Variants in PARD6B observed in about 807,000 individuals in gnomAD.
PARD6B encodes partitioning defective 6 homolog beta.
A neutral mutation model predicts 10.5 loss-of-function variants in PARD6B; 4 were observed. That is an observed-to-expected ratio of 0.38 (90% CI 0.19 to 0.87). The LOEUF (loss-of-function observed/expected upper bound fraction) is 0.87. PARD6B is among the 40% of genes least tolerant of loss of function. The pLI is 0.41. For missense variants in PARD6B, 396 were observed against 470.6 expected, an observed-to-expected ratio of 0.84 and a Z score of 1.47; for synonymous variants, 169 against 170.4, an observed-to-expected ratio of 0.99 and a Z score of 0.07.
Position 50,752,647 on chromosome 20 carries a change from G to A in PARD6B, c.*2159G>A, listed in dbSNP as rs2087620298. On this transcript the variant is annotated 3_prime_UTR_variant, in exon 3 of 3. Transcript: ENST00000371610. ...TATTTATTAATTAACTTTATGGTAG[G>A]GCTAGTATGAATACCTTTTTAACAA... 1.0e-6 allele frequency: 1 copy of A among 979,128 alleles called. No homozygotes were observed. The highest frequency in any genetic ancestry group is 1.2e-6 in the Non-Finnish European group (1 of 824,024). 60.7% of individuals were successfully genotyped at this position (979,128 alleles called of 1,614,324 possible).
chr20:50,750,147 C>A lies in PARD6B; in HGVS notation c.778C>A (p.Arg260=), dbSNP rs139812474. The A allele has an allele frequency of 1.2e-6, 2 of 1,614,202 alleles. No homozygotes were observed. The highest frequency in any genetic ancestry group is 1.3e-5 in the African/African-American group (1 of 75,048). The change falls in exon 3 of 3, where the codon CGG becomes AGG. Residue 260 remains arginine, a synonymous_variant. Coordinates refer to ENST00000371610, the MANE Select transcript of PARD6B (RefSeq NM_032521.3). ...NQRNNVVRNS[R]TSGSSGQSTD... is the part of the protein sequence containing the mutation. ...GAGGAATAATGTTGTGAGGAACAGT[C>A]GGACTTCTGGCAGTTCCGGTCAGTC...
At chr20:50,740,817 C>G (rs1376969021) in intron 2 of PARD6B, among the ~76,000 whole-genome samples, 1 of 151,986 alleles carries the variant, frequency 6.6e-6, no homozygotes, top group Admixed American at 6.6e-5. Context: ...TGCTTAAAAC[C>G]CTCTGATGAT....
chr20:50,737,840 G>A lies in PARD6B; in HGVS notation c.67-17G>A, dbSNP rs1327409207. On this transcript the variant is annotated splice_polypyrimidine_tract_variant and intron_variant, in intron 1 of 2. Transcript: ENST00000371610. Reference sequence around the variant, plus strand: ...TTTTTTTTTTTTTTTTAAGTAATATGTTTGTTACGTTTATAGTTTGGAGCT... The same window carrying A: ...TTTTTTTTTTTTTTTTAAGTAATATATTTGTTACGTTTATAGTTTGGAGCT... 5.5e-6 allele frequency: 7 copies of A among 1,279,976 alleles called. No individual in the cohort carries two copies. Among genetic ancestry groups the A allele is most frequent in the Non-Finnish European group, 7.4e-6 (7 of 951,418 alleles). The allele number at this position is 1,279,976 out of a possible 1,614,324, so 79.3% of individuals were successfully genotyped here.
chr20:50,748,730 A>G (rs2087583021), intron 2 of PARD6B, among the ~76,000 whole-genome samples: 1 of 152,068 alleles, frequency 6.6e-6, no homozygotes, highest in Non-Finnish European at 1.5e-5. Context: ...ACAGGGTCTC[A>G]CGCTGTTGCC....
Position 50,753,223 on chromosome 20 carries a change from T to G in PARD6B, c.*2735T>G. 4.1e-6 allele frequency: 4 copies of G among 985,278 alleles called. No homozygotes were observed. Among genetic ancestry groups the G allele is most frequent in the Non-Finnish European group, 4.8e-6 (4 of 829,392 alleles). 61.0% of individuals were successfully genotyped at this position (985,278 alleles called of 1,614,324 possible). ...AATCAAAGCTGCTATTGCTTTTTAT[T>G]TTAATTATCCTGTTAAGGGTATCTA... On this transcript the variant is annotated 3_prime_UTR_variant, in exon 3 of 3. Coordinates refer to ENST00000371610, the MANE Select transcript of PARD6B (RefSeq NM_032521.3).
rs2087470831 is a variant in PARD6B at position 50,731,591 on chromosome 20, C to T, written c.-196C>T. On this transcript the variant is annotated 5_prime_UTR_variant, in exon 1 of 3. Coordinates refer to ENST00000371610, the MANE Select transcript of PARD6B (RefSeq NM_032521.3). ...CCTGCCGCGCCACCAGTCCGACCCT[C>T]GGTCCCGCCGTGTGAGCAGCTGGTG... is the stretch of plus-strand genomic sequence containing the variant. 3 of 446,296 alleles carry T rather than the reference C, an allele frequency of 6.7e-6. No homozygotes were observed. In the South Asian group the frequency reaches 1.3e-4, roughly 19 times the overall value. 27.6% of individuals were successfully genotyped at this position (446,296 alleles called of 1,614,324 possible). A position where few individuals can be genotyped will look rare whatever the true frequency, so the allele number is the denominator to read the frequency against.
At chr20:50,731,935 G>C (rs966159803) in intron 1 of PARD6B, 83 bp downstream of exon 1, 15 of 1,187,160 alleles carry the variant, frequency 1.3e-5, no homozygotes, top group Non-Finnish European at 1.3e-5. Context: ...GGAGCGCCGG[G>C]GGAGGCGACG....
chr20:50,742,154 G>A (rs2087534323), intron 2 of PARD6B, among the ~76,000 whole-genome samples: 2 of 152,146 alleles, frequency 1.3e-5, no homozygotes, highest in South Asian at 4.2e-4. Context: ...CCAGGTTCTT[G>A]TGCCTCAGCT....
At chr20:50,740,721 C>T (rs969137080) in intron 2 of PARD6B, among the ~76,000 whole-genome samples, 4 of 152,046 alleles carry the variant, frequency 2.6e-5, no homozygotes, top group Non-Finnish European at 5.9e-5. Flanking sequence ...ATAGGCAATT[C>T]AACAGAAATA....
chr20:50,740,030 AGATT>A (rs2087523054), intron 2 of PARD6B, among the ~76,000 whole-genome samples: 1 of 101,996 alleles, frequency 9.8e-6, no homozygotes. Flanking sequence ...CAAGCAGAGT[AGATT>A]GATTTGGAAA....
rs1466436840 is a variant in PARD6B, at chr20:50,753,196, G to T, written c.*2708G>T. 1 of 985,082 alleles carries T rather than the reference G, an allele frequency of 1.0e-6. No individual in the cohort carries two copies. Among genetic ancestry groups the T allele is most frequent in the Non-Finnish European group, 1.2e-6 (1 of 829,528 alleles). 61.0% of individuals were successfully genotyped at this position (985,082 alleles called of 1,614,324 possible). ...TATCTTGTACGCATTCATGGAAATG[G>T]AAATCAAAGCTGCTATTGCTTTTTA... On this transcript the variant is annotated 3_prime_UTR_variant, in exon 3 of 3. Transcript: ENST00000371610.
chr20:50,731,879 C>T, intron 1 of PARD6B, 27 bp downstream of exon 1: 1 of 1,410,746 alleles, frequency 7.1e-7, no homozygotes, highest in Non-Finnish European at 9.2e-7. Context: ...CTGGGCGGAG[C>T]GGCGGGCCTG....
In PARD6B at chr20:50,750,243, G is replaced by A. The variant is rs984133167; in HGVS notation, c.874G>A (p.Glu292Lys). The A allele has an allele frequency of 7.4e-6, 12 of 1,614,148 alleles. No individual in the cohort carries two copies. Among genetic ancestry groups the A allele is most frequent in the South Asian group, 1.1e-5 (1 of 91,080 alleles). Reference sequence around the variant, plus strand: ...CTTTGAGCCAGAGGATGAAGACAGCGAAGAAGATGACATTATCATTGAAGA... The same window carrying A: ...CTTTGAGCCAGAGGATGAAGACAGCAAAGAAGATGACATTATCATTGAAGA... Reference protein sequence around the residue: ...PSFEPEDEDSEEDDIIIEDNG... With the variant: ...PSFEPEDEDSKEDDIIIEDNG... Residue 292 changes from glutamate (E) to lysine (K), a missense_variant, in exon 3 of 3, where the codon GAA becomes AAA. Around this residue, in one of 2 missense-constraint regions of PARD6B, gnomAD observed 188 missense variants for 169.7 expected, o/e 1.11. Transcript: ENST00000371610.
chr20:50,736,164 T>C (rs2087498318), intron 1 of PARD6B, among the ~76,000 whole-genome samples: 1 of 152,186 alleles, frequency 6.6e-6, no homozygotes, highest in Non-Finnish European at 1.5e-5. Flanking sequence ...AGTTTTGATG[T>C]TAAAACCACT....
At chr20:50,743,702 C>A (rs906663156) in intron 2 of PARD6B, among the ~76,000 whole-genome samples, 7 of 152,136 alleles carry the variant, frequency 4.6e-5, no homozygotes, top group Middle Eastern at 6.8e-3. Context: ...TCCTGGCTAG[C>A]ATGGTGAAAC....
chr20:50,743,412 C>T (rs1306254462), intron 2 of PARD6B, among the ~76,000 whole-genome samples: 2 of 152,216 alleles, frequency 1.3e-5, no homozygotes, highest in Admixed American at 1.3e-4. Flanking sequence ...CATGCCCTTA[C>T]ACAGATGTGA....
At chr20:50,739,015 G>A (rs944932902) in intron 2 of PARD6B, among the ~76,000 whole-genome samples, 17 of 151,344 alleles carry the variant, frequency 1.1e-4, no homozygotes, top group Non-Finnish European at 1.3e-4. Flanking sequence ...GATAGGCAGG[G>A]TAGGGCTTAT....
chr20:50,747,194 C>G (rs1600819070), intron 2 of PARD6B, among the ~76,000 whole-genome samples: 1 of 152,324 alleles, frequency 6.6e-6, no homozygotes, highest in South Asian at 2.1e-4. Context: ...ATTATTGTGA[C>G]TTGGAAGATA....
At position 50,749,782 on chromosome 20, in the gene PARD6B, A is replaced by T; in HGVS notation, c.413A>T (p.Asp138Val). ...CATATAGTCATTAGTATGCCCCAAG[A>T]CTTTAGACCTGTGTCTTCTATTATA... is the stretch of plus-strand genomic sequence containing the variant. ...KPHIVISMPQ[D>V]FRPVSSIIDV... Residue 138 changes from aspartate (D) to valine (V), a missense_variant, in exon 3 of 3, where the codon GAC (aspartate) becomes GTC (valine). Around this residue, in one of 2 missense-constraint regions of PARD6B, gnomAD observed 208 missense variants for 300.9 expected, o/e 0.69. Coordinates refer to ENST00000371610, the MANE Select transcript of PARD6B (RefSeq NM_032521.3). 6.2e-7 allele frequency: 1 copy of T among 1,614,190 alleles called. No individual in the cohort carries two copies. The highest frequency in any genetic ancestry group is 8.5e-7 in the Non-Finnish European group (1 of 1,180,038).
Sources: gnomAD v4.1 joint callset for allele counts (sites outside exome capture counted in the v4.1 genomes callset) on GRCh38, gnomAD v4.1.1 for gene constraint, gnomAD v4.1.1 regional missense constraint, MANE v1.5 for transcripts, NCBI Gene and HGNC (gene_info 2026-07-23, HGNC 2026-07-21) for gene names.